GATA4: variants seen among roughly 807,000 people sequenced by gnomAD.
GATA4 encodes the protein transcription factor GATA-4.
Under a neutral mutation model 37.9 loss-of-function variants are expected in GATA4, and 7 were observed. That is an observed-to-expected ratio of 0.18 (90% confidence interval 0.11 to 0.35). GATA4 has a LOEUF of 0.35. GATA4 is among the 10% of genes least tolerant of loss of function. The pLI, the probability that GATA4 is intolerant of heterozygous loss-of-function variation, is 1.00. For synonymous variants in GATA4, 372 were observed against 292.6 expected, an observed-to-expected ratio of 1.27 and a Z score of -2.77; for missense variants, 647 against 653.0, an observed-to-expected ratio of 0.99 and a Z score of 0.10.
chr8:11,699,522 G>T (rs1389723831), upstream of GATA4, among the ~76,000 whole-genome samples: 3 of 152,260 alleles, frequency 2.0e-5, no homozygotes, highest in East Asian at 5.8e-4. Flanking sequence ...GCTCTTTCAG[G>T]CTGCCATTGT....
chr8:11,717,744 C>T (rs1585617270), intron 2 of GATA4, among the ~76,000 whole-genome samples: 1 of 152,330 alleles, frequency 6.6e-6, no homozygotes, highest in East Asian at 1.9e-4. Flanking sequence ...TGCTTCCCAC[C>T]AATCACTGTC....
Position 11,708,020 on chromosome 8 carries a change from C to T in GATA4, c.-293C>T, listed in dbSNP as rs1799972162. 2.2e-6 allele frequency: 1 copy of T among 453,072 alleles called. No homozygotes were observed. The highest frequency in any genetic ancestry group is 4.1e-6 in the Non-Finnish European group (1 of 243,220). 28.1% of individuals were successfully genotyped at this position (453,072 alleles called of 1,614,324 possible). A position where few individuals can be genotyped will look rare whatever the true frequency, so the allele number is the denominator to read the frequency against. On this transcript the variant is annotated 5_prime_UTR_variant, in exon 2 of 7. Transcript: ENST00000532059. The surrounding 1 kb of genome is among the most constrained non-coding windows in gnomAD (Gnocchi z 6.7). The stretch of plus-strand genomic sequence containing the variant: ...CCGTCTTCTGCCCCCAATAGGTGCG[C>T]CGGACCTTCAGGCCCTGGGGTGAAT...
At chr8:11,682,873 AAC>A (rs1401794722) in intron 1 of GATA4, among the ~76,000 whole-genome samples, 4 of 152,216 alleles carry the variant, frequency 2.6e-5, no homozygotes, top group Admixed American at 2.6e-4. Flanking sequence ...CACAGAATCT[AAC>A]AGTTACCCTC....
intron 2 of GATA4, among the ~76,000 whole-genome samples, chr8:11,739,160 T>G (rs1801601612): frequency 6.6e-6 from 1 of 152,230 alleles, no homozygotes; most frequent in Admixed American, 6.5e-5. Context: ...CTGCAGTGCC[T>G]AGGCAGAGAT....
chr8:11,734,562 C>G (rs1165068469), intron 2 of GATA4, among the ~76,000 whole-genome samples: 1 of 152,244 alleles, frequency 6.6e-6, no homozygotes, highest in African/African-American at 2.4e-5. Flanking sequence ...CCTCGGCTCA[C>G]TGCAACCTCC....
At chr8:11,735,698 G>T (rs2130233103) in intron 2 of GATA4, among the ~76,000 whole-genome samples, 1 of 152,306 alleles carries the variant, frequency 6.6e-6, no homozygotes, top group East Asian at 1.9e-4. Flanking sequence ...CAGTAGCTGG[G>T]ATTACAGGCA....
intron 2 of GATA4, among the ~76,000 whole-genome samples, chr8:11,736,903 CAGG>C (rs1056027450): frequency 1.3e-5 from 2 of 152,176 alleles, no homozygotes; most frequent in African/African-American, 4.8e-5. Context: ...GTGTGCTGCC[CAGG>C]TCCACGACTG....
chr8:11,722,920 G>A (rs1037060867), intron 2 of GATA4, among the ~76,000 whole-genome samples: 1 of 152,202 alleles, frequency 6.6e-6, no homozygotes, highest in African/African-American at 2.4e-5. Context: ...TGGAGGTACA[G>A]TTTGTCTAGG....
At position 11,710,319 on chromosome 8, in the gene GATA4, G is replaced by T. The variant is rs565582048; in HGVS notation, c.616+1391G>T. 7.2e-5 allele frequency among the ~76,000 whole-genome samples: 11 copies of T among 152,240 alleles called. No homozygotes were observed. The South Asian group carries it at 2.3e-3, about 32-fold the overall frequency. ...GAGGGGCCCGGCCGAGCCTCGCCGC[G>T]ACTTTTGCGAGATAGCGCGGCGACA... On this transcript the variant is annotated intron_variant, in intron 2 of 6. Transcript: ENST00000532059.
chr8:11,714,757 C>T (rs577586779), intron 2 of GATA4, among the ~76,000 whole-genome samples: 4 of 152,270 alleles, frequency 2.6e-5, no homozygotes, highest in African/African-American at 4.8e-5. Context: ...TTCTAGATAA[C>T]GCTTTATTCT....
chr8:11,737,200 C>T (rs971400874), intron 2 of GATA4, among the ~76,000 whole-genome samples: 2 of 151,930 alleles, frequency 1.3e-5, no homozygotes, highest in African/African-American at 4.8e-5. Context: ...CACCCTTGCT[C>T]GCCTCCTCTT....
intron 1 of GATA4, among the ~76,000 whole-genome samples, chr8:11,678,466 T>C (rs2129911243): frequency 6.6e-6 from 1 of 152,222 alleles, no homozygotes; most frequent in East Asian, 1.9e-4. Context: ...TGCTTACCCT[T>C]GCTAATGTTT....
chr8:11,714,570 G>A (rs1258412907), intron 2 of GATA4, among the ~76,000 whole-genome samples: 4 of 152,184 alleles, frequency 2.6e-5, no homozygotes, highest in Non-Finnish European at 5.9e-5. Flanking sequence ...AGTTGGGGTT[G>A]GTCTGTGGTG....
intron 2 of GATA4, among the ~76,000 whole-genome samples, chr8:11,710,901 C>A (rs1032507902): frequency 2.2e-4 from 34 of 152,242 alleles, no homozygotes; most frequent in Non-Finnish European, 4.3e-4. Context: ...GCAGGCGGAT[C>A]ACAAGGTCAG....
intron 2 of GATA4, 93 bp from the exon 3 acceptor site, chr8:11,748,822 GT>G: frequency 6.9e-7 from 1 of 1,440,136 alleles, no homozygotes; most frequent in Non-Finnish European, 9.8e-7. Context: ...AAAGGGCATT[GT>G]TTCTGTGCGC....
intron 1 of GATA4, among the ~76,000 whole-genome samples, chr8:11,685,349 C>T (rs534600923): frequency 2.6e-5 from 4 of 152,162 alleles, no homozygotes; most frequent in Admixed American, 6.5e-5. Context: ...TGGTTGTCCC[C>T]GTTATACTTT....
At chr8:11,736,285 A>T (rs1021141772) in intron 2 of GATA4, among the ~76,000 whole-genome samples, 1 of 152,208 alleles carries the variant, frequency 6.6e-6, no homozygotes, top group Admixed American at 6.5e-5. Context: ...CATAAATGAG[A>T]GTTAGAATGC....
At chr8:11,684,457 A>G (rs1216604207) in intron 1 of GATA4, among the ~76,000 whole-genome samples, 2 of 152,254 alleles carry the variant, frequency 1.3e-5, no homozygotes, top group African/African-American at 4.8e-5. Flanking sequence ...CACAAAAGCC[A>G]ATTTCTGAAC....
chr8:11,723,819 C>T, intron 2 of GATA4, among the ~76,000 whole-genome samples: 1 of 152,192 alleles, frequency 6.6e-6, no homozygotes, highest in East Asian at 1.9e-4. Flanking sequence ...TTAAACTATA[C>T]ATAAGATAAA....
Sources: gnomAD v4.1 joint callset for allele counts (sites outside exome capture counted in the v4.1 genomes callset) on GRCh38, gnomAD v4.1.1 for gene constraint, Gnocchi (gnomAD v3.1) non-coding constraint, MANE v1.5 for transcripts, NCBI Gene and HGNC (gene_info 2026-07-23, HGNC 2026-07-21) for gene names.